Variants in PDE4B observed in about 807,000 individuals in gnomAD.
PDE4B encodes phosphodiesterase 4B, also known as 3',5'-cyclic-AMP phosphodiesterase 4B.
PDE4B carries 20 observed loss-of-function variants against 82.2 expected under a neutral mutation model. The ratio of observed to expected loss-of-function variants is 0.24; its 90% confidence interval spans 0.17 to 0.35. PDE4B has a LOEUF of 0.35. PDE4B is among the 10% of genes least tolerant of loss of function. The pLI, the probability that PDE4B is intolerant of heterozygous loss-of-function variation, is 1.00. For synonymous variants in PDE4B, 320 were observed against 318.9 expected, an observed-to-expected ratio of 1.00 and a Z score of -0.04; for missense variants, 655 against 907.2, an observed-to-expected ratio of 0.72 and a Z score of 3.57.
chr1:66,284,103 T>C (rs1203659419), intron 7 of PDE4B, among the ~76,000 whole-genome samples: 2 of 152,126 alleles, frequency 1.3e-5, no homozygotes, highest in Non-Finnish European at 2.9e-5. Context: ...TAACGCAGTG[T>C]AATAAGAATT....
chr1:66,271,630 C>T (rs900853234), intron 7 of PDE4B, among the ~76,000 whole-genome samples: 1 of 152,162 alleles, frequency 6.6e-6, no homozygotes, highest in Non-Finnish European at 1.5e-5. Context: ...CTTTCTTTTG[C>T]ATTTTAGTTC....
In PDE4B at chr1:66,361,774, A is replaced by G; in HGVS notation, c.1001A>G (p.Asn334Ser). The change falls in exon 10 of 17, where the codon AAT becomes AGT. Residue 334 changes from asparagine (N) to serine (S), a missense_variant. Transcript: ENST00000341517. Reference sequence around the variant, plus strand: ...TCACGCTTTGGAGTCAACACTGAAAATGAAGATCACCTGGCCAAGGTGTGT... The same window carrying G: ...TCACGCTTTGGAGTCAACACTGAAAGTGAAGATCACCTGGCCAAGGTGTGT... The part of the protein sequence containing the change: ...SISRFGVNTE[N>S]EDHLAKELED... The G allele has an allele frequency of 6.2e-7, 1 of 1,612,124 alleles. No individual in the cohort carries two copies. Among genetic ancestry groups the G allele is most frequent in the Non-Finnish European group, 8.5e-7 (1 of 1,178,856 alleles).
At chr1:65,823,414 A>AG (rs1645978533) in intron 1 of PDE4B, among the ~76,000 whole-genome samples, 3 of 151,644 alleles carry the variant, frequency 2.0e-5, no homozygotes, top group Admixed American at 6.6e-5. Context: ...AAAAAAAAAA[A>AG]AAAAAAAAAT....
chr1:66,191,538 C>T (rs1647803488), intron 3 of PDE4B, among the ~76,000 whole-genome samples: 2 of 152,138 alleles, frequency 1.3e-5, no homozygotes, highest in South Asian at 4.1e-4. Context: ...AATCAGATTA[C>T]TGTCGAGTCA....
chr1:66,372,413 G>A lies in PDE4B; in HGVS notation c.1946G>A (p.Arg649Lys), dbSNP rs1570803794. 6.2e-7 allele frequency: 1 copy of A among 1,614,116 alleles called. No individual in the cohort carries two copies. Among genetic ancestry groups the A allele is most frequent in the Non-Finnish European group, 8.5e-7 (1 of 1,179,988 alleles). Residue 649 changes from arginine (R) to lysine (K), a missense_variant, in exon 17 of 17, where the codon AGG becomes AAG. Physicochemically the swap from Arg to Lys is conservative, Grantham distance 26. This residue lies in a region of PDE4B where 119 missense variants were observed against 115.2 expected (regional missense o/e 1.03). Coordinates refer to ENST00000341517, the MANE Select transcript of PDE4B (RefSeq NM_002600.4). ...QDILDTLEDN[R>K]NWYQSMIPQS... Reference sequence around the variant, plus strand: ...ATTCTCGATACCTTAGAAGATAACAGGAACTGGTATCAGAGCATGATACCT... The same window carrying A: ...ATTCTCGATACCTTAGAAGATAACAAGAACTGGTATCAGAGCATGATACCT...
intron 3 of PDE4B, among the ~76,000 whole-genome samples, chr1:66,067,806 T>G (rs1391962138): frequency 6.6e-6 from 1 of 152,004 alleles, no homozygotes; most frequent in African/African-American, 2.4e-5. Context: ...CTAGGTTTTC[T>G]TCTAGGGTTT....
intron 7 of PDE4B, among the ~76,000 whole-genome samples, chr1:66,320,804 T>G (rs1659346220): frequency 6.6e-6 from 1 of 152,176 alleles, no homozygotes; most frequent in South Asian, 2.1e-4. Flanking sequence ...CATATGGTGT[T>G]GTGAGATCTT....
intron 9 of PDE4B, 80 bp from the exon 10 acceptor site, chr1:66,361,535 A>T (rs1317899078): frequency 6.6e-6 from 7 of 1,064,504 alleles, no homozygotes; most frequent in Non-Finnish European, 9.7e-6. Context: ...GCTGTTATAG[A>T]TGGTTAGAGT....
chr1:66,144,639 T>C (rs1207750839), intron 3 of PDE4B, among the ~76,000 whole-genome samples: 1 of 152,328 alleles, frequency 6.6e-6, no homozygotes, highest in Middle Eastern at 3.4e-3. Flanking sequence ...GGAGGCTCAA[T>C]CATTCAACAG....
At chr1:65,982,466 A>C (rs1243030240) in intron 3 of PDE4B, among the ~76,000 whole-genome samples, 1 of 152,188 alleles carries the variant, frequency 6.6e-6, no homozygotes. Flanking sequence ...GAAATGAGAA[A>C]ACGTGTTCTG....
At chr1:66,128,568 AT>A (rs1645869605) in intron 3 of PDE4B, among the ~76,000 whole-genome samples, 1 of 152,180 alleles carries the variant, frequency 6.6e-6, no homozygotes. Flanking sequence ...TTCATTCTTT[AT>A]TGGTATTTAT....
chr1:66,057,002 A>G (rs1655337638), intron 3 of PDE4B, among the ~76,000 whole-genome samples: 1 of 152,216 alleles, frequency 6.6e-6, no homozygotes, highest in Non-Finnish European at 1.5e-5. Flanking sequence ...TGTACATTTC[A>G]GATTGTATTG....
At chr1:66,146,349 A>AT (rs1187198281) in intron 3 of PDE4B, among the ~76,000 whole-genome samples, 2 of 151,486 alleles carry the variant, frequency 1.3e-5, no homozygotes, top group Admixed American at 6.6e-5. Context: ...ATGCCTGGCT[A>AT]TTTTTTTGTA....
At chr1:66,058,789 G>T (rs1655436341) in intron 3 of PDE4B, among the ~76,000 whole-genome samples, 2 of 152,176 alleles carry the variant, frequency 1.3e-5, no homozygotes, top group Non-Finnish European at 2.9e-5. Context: ...TTTCCCCCTA[G>T]ACCTCCAGTA....
intron 1 of PDE4B, among the ~76,000 whole-genome samples, chr1:65,845,148 T>C (rs1234437801): frequency 2.0e-5 from 3 of 152,200 alleles, no homozygotes; most frequent in African/African-American, 4.8e-5. Context: ...CTCTGGATAA[T>C]GTCCCAGCGT....
At position 66,363,093 on chromosome 1, in the gene PDE4B, A is replaced by C. The variant is rs1570778688; in HGVS notation, c.1021-75A>C. On this transcript the variant is annotated intron_variant, in intron 10 of 16. Coordinates refer to ENST00000341517, the MANE Select transcript of PDE4B (RefSeq NM_002600.4). The stretch of plus-strand genomic sequence containing the variant: ...AAAGACTTAAACAGCCAATGTCCAA[A>C]AAATAAATTAAAAAAATGAGGCATG... The C allele has an allele frequency of 1.5e-5, 15 of 1,026,356 alleles. No individual in the cohort carries two copies. In the East Asian group the frequency reaches 3.7e-4, roughly 25 times the overall value. The allele number at this position is 1,026,356 out of a possible 1,614,324, so 63.6% of individuals were successfully genotyped here.
chr1:65,906,252 T>C (rs969356448), intron 1 of PDE4B, among the ~76,000 whole-genome samples: 2 of 152,076 alleles, frequency 1.3e-5, no homozygotes, highest in Admixed American at 6.6e-5. Context: ...AGATCTTCTG[T>C]GGTTTATTTT....
chr1:66,274,766 A>G (rs1031964855), intron 7 of PDE4B, among the ~76,000 whole-genome samples: 2 of 152,216 alleles, frequency 1.3e-5, no homozygotes, highest in Non-Finnish European at 2.9e-5. Context: ...GTGTTATATA[A>G]CATGACTCAG....
At chr1:65,857,768 G>A (rs1646409972) in intron 1 of PDE4B, among the ~76,000 whole-genome samples, 1 of 152,214 alleles carries the variant, frequency 6.6e-6, no homozygotes, top group Admixed American at 6.5e-5. Context: ...AGATATATTT[G>A]TTGGATAAGT....
Sources: allele counts gnomAD v4.1 joint callset (sites outside exome capture counted in the v4.1 genomes callset), GRCh38; gene constraint gnomAD v4.1.1; regional missense constraint gnomAD v4.1.1; transcripts MANE v1.5; gene names NCBI Gene and HGNC (gene_info 2026-07-23, HGNC 2026-07-21).